The following METTL8 variants were observed in gnomAD, a reference collection of about 807,000 sequenced individuals.
The protein encoded by METTL8 is tRNA N(3)-cytidine methyltransferase METTL8, mitochondrial.
METTL8 carries 32 observed loss-of-function variants against 48.7 expected under a neutral mutation model. That is an observed-to-expected ratio of 0.66 (90% CI 0.50 to 0.88). The LOEUF is 0.88. METTL8 is among the 40% of genes least tolerant of loss of function. The pLI, the probability that METTL8 is intolerant of heterozygous loss-of-function variation, is 0.00. For missense variants in METTL8, 464 were observed against 474.4 expected (o/e 0.98, Z 0.20); for synonymous variants, 136 against 157.1 (o/e 0.87, Z 1.01).
chr2:171,361,271 A>T (rs1256452370), intron 2 of METTL8, among the ~76,000 whole-genome samples: 2 of 149,256 alleles, frequency 1.3e-5, no homozygotes, highest in Non-Finnish European at 3.0e-5. Context: ...TTTTTGCAAT[A>T]GGTTAGACTA....
chr2:171,328,357 C>G, intron 7 of METTL8, among the ~76,000 whole-genome samples: 1 of 152,222 alleles, frequency 6.6e-6, no homozygotes, highest in African/African-American at 2.4e-5. Flanking sequence ...CCCATTTAAG[C>G]TGGGTCCTCC....
chr2:171,346,159 G>T (rs890090840), intron 3 of METTL8, among the ~76,000 whole-genome samples: 2 of 152,080 alleles, frequency 1.3e-5, no homozygotes, highest in African/African-American at 2.4e-5. Context: ...CTCCCAAGTA[G>T]CTAGGACTAC....
chr2:171,431,034 C>T (rs1036924813), intron 1 of METTL8, among the ~76,000 whole-genome samples: 4 of 152,194 alleles, frequency 2.6e-5, no homozygotes, highest in African/African-American at 9.7e-5. Context: ...GGCCAAACTA[C>T]TTTGGGTGGG....
At chr2:171,345,985 C>A (rs1476886283) in intron 3 of METTL8, among the ~76,000 whole-genome samples, 1 of 152,012 alleles carries the variant, frequency 6.6e-6, no homozygotes, top group Non-Finnish European at 1.5e-5. Context: ...TTAATCTGGG[C>A]AATCTTATTG....
At chr2:171,419,550 C>T (rs1691669649) in intron 1 of METTL8, among the ~76,000 whole-genome samples, 1 of 152,136 alleles carries the variant, frequency 6.6e-6, no homozygotes, top group Admixed American at 6.5e-5. Context: ...CCCATACTGC[C>T]ACAGGAAACT....
chr2:171,428,179 T>C (rs1232939155), intron 1 of METTL8, among the ~76,000 whole-genome samples: 1 of 152,192 alleles, frequency 6.6e-6, no homozygotes, highest in Non-Finnish European at 1.5e-5. Flanking sequence ...GAGAAATCAT[T>C]TTCCAATCAT....
intron 2 of METTL8, among the ~76,000 whole-genome samples, chr2:171,376,576 CAAT>C (rs1241718459): frequency 1.3e-5 from 2 of 152,088 alleles, no homozygotes; most frequent in Non-Finnish European, 2.9e-5. Flanking sequence ...AGAATCAACT[CAAT>C]AACTCAATCC....
At chr2:171,374,811 T>G in intron 2 of METTL8, 2 of 658,736 alleles carry the variant, frequency 3.0e-6, no homozygotes, top group East Asian at 5.4e-5. Flanking sequence ...AATTCATCCA[T>G]GTTGTATATG....
intron 1 of METTL8, chr2:171,414,460 C>G (rs1559202610): frequency 1.3e-5 from 2 of 151,864 alleles, no homozygotes; most frequent in African/African-American, 4.9e-5. Context: ...GCCCCAGTAG[C>G]TCACACCTGT....
intron 3 of METTL8, among the ~76,000 whole-genome samples, chr2:171,348,285 T>C (rs982137508): frequency 2.6e-5 from 4 of 152,282 alleles, no homozygotes; most frequent in South Asian, 4.1e-4. Flanking sequence ...TTTTCTGTAA[T>C]GGGCCAGATA....
At chr2:171,324,436 T>C (rs912468249) in intron 9 of METTL8, 74 bp from the exon 10 acceptor site, 2 of 1,223,552 alleles carry the variant, frequency 1.6e-6, no homozygotes, top group African/African-American at 1.5e-5. Context: ...AGAACACTGA[T>C]GGAATAACTG....
At chr2:171,389,504 C>G (rs1433114372) in intron 2 of METTL8, among the ~76,000 whole-genome samples, 5 of 127,040 alleles carry the variant, frequency 3.9e-5, no homozygotes, top group Non-Finnish European at 3.2e-5. Context: ...GACAGAGTCT[C>G]CCTGTCTCAC....
chr2:171,428,481 A>G (rs1467137023), intron 1 of METTL8, among the ~76,000 whole-genome samples: 1 of 152,206 alleles, frequency 6.6e-6, no homozygotes, highest in East Asian at 1.9e-4. Flanking sequence ...TTTCTTCTCA[A>G]GCAAATAAAG....
intron 8 of METTL8, 59 bp downstream of exon 8, chr2:171,325,983 T>C: frequency 2.2e-6 from 3 of 1,360,810 alleles, no homozygotes; most frequent in Non-Finnish European, 3.1e-6. Flanking sequence ...TGATGTGAAA[T>C]ATAAACAAGG....
In METTL8 at chr2:171,322,854, T is replaced by C. The variant is rs1223673544; in HGVS notation, c.*1318A>G. 2 of 152,196 alleles carry C rather than the reference T, an allele frequency of 1.3e-5. No individual in the cohort carries two copies. The highest frequency in any genetic ancestry group is 4.8e-5 in the African/African-American group (2 of 41,446). 9.4% of individuals were successfully genotyped at this position (152,196 alleles called of 1,614,324 possible). A position where few individuals can be genotyped will look rare whatever the true frequency, so the allele number is the denominator to read the frequency against. On this transcript the variant is annotated 3_prime_UTR_variant, in exon 10 of 10. Transcript: ENST00000375258. ...TTAAGGTTATTTCTTGATTATATGC[T>C]ACACAAGGGGTGGATTATTCAGGCC...
intron 5 of METTL8, among the ~76,000 whole-genome samples, chr2:171,333,663 A>C (rs746745705): frequency 2.4e-4 from 37 of 152,172 alleles, no homozygotes; most frequent in Non-Finnish European, 4.6e-4. Context: ...AAATCCATAT[A>C]ATTGTGACTT....
intron 9 of METTL8, among the ~76,000 whole-genome samples, chr2:171,325,197 T>C (rs1411898420): frequency 6.6e-6 from 1 of 151,912 alleles, no homozygotes; most frequent in East Asian, 1.9e-4. Context: ...AAATGTATTG[T>C]TTTTTTAGAC....
At chr2:171,375,244 T>C (rs1418756917) in intron 2 of METTL8, 17 of 1,181,162 alleles carry the variant, frequency 1.4e-5, no homozygotes, top group East Asian at 2.3e-5. Context: ...GCGGCCCTTT[T>C]TGGCATGACC....
intron 1 of METTL8, among the ~76,000 whole-genome samples, chr2:171,425,230 T>C (rs577252216): frequency 6.6e-6 from 1 of 152,304 alleles, no homozygotes; most frequent in East Asian, 1.9e-4. Flanking sequence ...TTATTAGCAG[T>C]GTGAGAACGG....
Sources: allele counts gnomAD v4.1 joint callset (sites outside exome capture counted in the v4.1 genomes callset), GRCh38; gene constraint gnomAD v4.1.1; transcripts MANE v1.5; gene names NCBI Gene and HGNC (gene_info 2026-07-23, HGNC 2026-07-21).